Variants in LRRFIP1 observed in about 807,000 individuals in gnomAD.
LRRFIP1 encodes the protein leucine-rich repeat flightless-interacting protein 1.
In LRRFIP1, 62 loss-of-function variants were observed where a neutral mutation model predicts 104.4. That is an observed-to-expected ratio of 0.59 (90% confidence interval 0.48 to 0.73). LRRFIP1 has a LOEUF of 0.73. Ranked by LOEUF, LRRFIP1 falls within the 30% of genes least tolerant of loss-of-function variation. The pLI, the probability that LRRFIP1 is intolerant of heterozygous loss-of-function variation, is 0.00. For synonymous variants in LRRFIP1, 300 were observed against 299.0 expected, an observed-to-expected ratio of 1.00 and a Z score of -0.03; for missense variants, 796 against 824.5, an observed-to-expected ratio of 0.97 and a Z score of 0.42.
intron 1 of LRRFIP1, among the ~76,000 whole-genome samples, chr2:237,666,032 G>A (rs2089169842): frequency 1.3e-5 from 2 of 152,226 alleles, no homozygotes; most frequent in Admixed American, 1.3e-4. Context: ...CATGGACTCT[G>A]GCATGGACGG....
chr2:237,699,758 C>T lies in LRRFIP1; in HGVS notation c.97-8786C>T, dbSNP rs573595766. ...GGCCGACCTGGCCCTGCCCCCCCGC[C>T]CCAATACCCTTAGCTTCTTCCCAAT... On this transcript the variant is annotated intron_variant, in intron 1 of 23. Transcript: ENST00000308482. Among the ~76,000 whole-genome samples, 29 of 152,184 alleles carry T rather than the reference C, an allele frequency of 1.9e-4. 1 individual carries two copies. Among genetic ancestry groups the T allele is most frequent in the African/African-American group, 5.5e-4 (23 of 41,466 alleles).
chr2:237,636,901 T>A (rs191480505), intron 1 of LRRFIP1, among the ~76,000 whole-genome samples: 1 of 152,326 alleles, frequency 6.6e-6, no homozygotes, highest in African/African-American at 2.4e-5. Context: ...GGAGGAAACA[T>A]TGCTTAATGT....
intron 17 of LRRFIP1, 126 bp from the exon 18 acceptor site, chr2:237,758,603 T>C (rs996406804): frequency 9.5e-6 from 6 of 630,208 alleles, no homozygotes; most frequent in African/African-American, 3.6e-5. Context: ...TTAGGCAGAG[T>C]CTCTTTAATG....
chr2:237,756,390 C>T (rs2059270193), intron 16 of LRRFIP1, among the ~76,000 whole-genome samples: 1 of 152,218 alleles, frequency 6.6e-6, no homozygotes, highest in South Asian at 2.1e-4. Context: ...TCCTGGCCTG[C>T]AGACAGCCAC....
intron 15 of LRRFIP1, among the ~76,000 whole-genome samples, chr2:237,753,821 GGT>G (rs759587250): frequency 0.041 from 5,469 of 132,782 alleles, 150 homozygotes; most frequent in African/African-American, 0.075. Flanking sequence ...GGAATGGTAG[GGT>G]GTGTGTGTGT....
At chr2:237,750,990 T>C (rs1213012762) in intron 13 of LRRFIP1, among the ~76,000 whole-genome samples, 1 of 152,194 alleles carries the variant, frequency 6.6e-6, no homozygotes, top group East Asian at 1.9e-4. Context: ...TACACTAAAA[T>C]TGTATAAAAT....
At chr2:237,738,041 A>T (rs1333865130) in intron 10 of LRRFIP1, among the ~76,000 whole-genome samples, 3 of 152,208 alleles carry the variant, frequency 2.0e-5, no homozygotes, top group Non-Finnish European at 2.9e-5. Flanking sequence ...GCCAGGCCTC[A>T]TCTGGTCACT....
intron 1 of LRRFIP1, among the ~76,000 whole-genome samples, chr2:237,657,326 G>A (rs965711054): frequency 2.6e-5 from 4 of 152,068 alleles, no homozygotes; most frequent in Non-Finnish European, 4.4e-5. Flanking sequence ...CTAAATAAAT[G>A]GAACAATGAA....
intron 15 of LRRFIP1, among the ~76,000 whole-genome samples, chr2:237,755,671 T>C (rs2059182702): frequency 6.6e-6 from 1 of 152,242 alleles, no homozygotes; most frequent in Non-Finnish European, 1.5e-5. Flanking sequence ...CAGTGGCTCA[T>C]GCCTGTAATC....
Position 237,739,817 on chromosome 2 carries a change from G to A in LRRFIP1, c.633+508G>A, listed in dbSNP as rs144029880. Among the ~76,000 whole-genome samples the A allele has an allele frequency of 2.6e-5, 4 of 152,252 alleles. No homozygotes were observed. The East Asian group carries it at 7.7e-4, about 29-fold the overall frequency. On this transcript the variant is annotated intron_variant, in intron 11 of 23. Transcript: ENST00000308482. Reference sequence around the variant, plus strand: ...TAGGAGCCCTATTAGGTCATCCCCAGCTTGTTAAGTCTCATTATTGTGTGT... The same window carrying A: ...TAGGAGCCCTATTAGGTCATCCCCAACTTGTTAAGTCTCATTATTGTGTGT...
At chr2:237,670,630 G>A (rs1028290401) in intron 1 of LRRFIP1, among the ~76,000 whole-genome samples, 2 of 152,204 alleles carry the variant, frequency 1.3e-5, no homozygotes, top group African/African-American at 2.4e-5. Flanking sequence ...CCAACACAGC[G>A]CCTGCAGGGC....
rs879179756 is a variant in LRRFIP1 at position 237,772,826 on chromosome 2, C to T, written c.1628-40C>T. On this transcript the variant is annotated intron_variant, in intron 21 of 23. Coordinates refer to ENST00000308482, the MANE Select transcript of LRRFIP1 (RefSeq NM_001137550.2). ...ACTATTGTTTTAATATTTGAAAAGC[C>T]CAAGAGCTTAACAGATTTTCCTTCT... The T allele has an allele frequency of 5.3e-6, 7 of 1,332,200 alleles. No individual in the cohort carries two copies. The South Asian group carries it at 7.1e-5, about 14-fold the overall frequency. The allele number at this position is 1,332,200 out of a possible 1,614,324, so 82.5% of individuals were successfully genotyped here.
chr2:237,710,745 A>G (rs535624060), intron 2 of LRRFIP1, among the ~76,000 whole-genome samples: 1 of 146,044 alleles, frequency 6.8e-6, no homozygotes, highest in East Asian at 2.1e-4. Context: ...GCAAGCAGTC[A>G]TCGATTTGAA....
intron 1 of LRRFIP1, among the ~76,000 whole-genome samples, chr2:237,704,519 T>C (rs2149960265): frequency 6.6e-6 from 1 of 152,308 alleles, no homozygotes; most frequent in East Asian, 1.9e-4. Flanking sequence ...GCTAAGTGTG[T>C]AGTTTTGTGT....
intron 7 of LRRFIP1, 59 bp from the exon 8 acceptor site, chr2:237,727,817 G>A (rs1036948168): frequency 2.3e-6 from 3 of 1,311,498 alleles, no homozygotes; most frequent in South Asian, 1.3e-5. Context: ...CTGCTGATTT[G>A]TACCTGTGAA....
intron 10 of LRRFIP1, among the ~76,000 whole-genome samples, chr2:237,736,994 C>T (rs1210951172): frequency 6.6e-6 from 1 of 152,080 alleles, no homozygotes; most frequent in African/African-American, 2.4e-5. Flanking sequence ...TCCAGAGCGG[C>T]CCCGGCGCCC....
At chr2:237,664,411 C>T (rs1229730222) in intron 1 of LRRFIP1, among the ~76,000 whole-genome samples, 1 of 152,214 alleles carries the variant, frequency 6.6e-6, no homozygotes, top group Non-Finnish European at 1.5e-5. Context: ...CAGCAAATGA[C>T]GGGGCCTCGG....
At chr2:237,641,561 A>G (rs2083986521) in intron 1 of LRRFIP1, among the ~76,000 whole-genome samples, 1 of 149,640 alleles carries the variant, frequency 6.7e-6, no homozygotes, top group Non-Finnish European at 1.5e-5. Context: ...TTCTCCTTGG[A>G]TTTCTGTTTT....
At chr2:237,696,455 T>G (rs2093191267) in intron 1 of LRRFIP1, among the ~76,000 whole-genome samples, 1 of 152,218 alleles carries the variant, frequency 6.6e-6, no homozygotes, top group Non-Finnish European at 1.5e-5. Context: ...GGATTTATAC[T>G]CTTAGGTCAG....
Sources: allele counts gnomAD v4.1 joint callset (sites outside exome capture counted in the v4.1 genomes callset), GRCh38; gene constraint gnomAD v4.1.1; transcripts MANE v1.5; gene names NCBI Gene and HGNC (gene_info 2026-07-23, HGNC 2026-07-21).